The following BUD13 variants were observed in gnomAD, a reference collection of about 807,000 sequenced individuals.
BUD13 encodes the protein BUD13 spliceosome associated protein.
Under a neutral mutation model 62.5 loss-of-function variants are expected in BUD13, and 47 were observed. The ratio of observed to expected loss-of-function variants is 0.75; its 90% confidence interval spans 0.60 to 0.96. BUD13 has a LOEUF of 0.96. BUD13 is among the 40% of genes least tolerant of loss of function. BUD13 has a pLI of 0.00. For missense variants in BUD13, 821 were observed against 790.9 expected, an observed-to-expected ratio of 1.04 and a Z score of -0.46; for synonymous variants, 293 against 280.1, an observed-to-expected ratio of 1.05 and a Z score of -0.46.
In BUD13 at chr11:116,748,483, T is replaced by C. The variant is rs1940178129; in HGVS notation, c.1859A>G (p.Ter620=). The C allele has an allele frequency of 6.2e-7, 1 of 1,614,088 alleles. No homozygotes were observed. Among genetic ancestry groups the C allele is most frequent in the Admixed American group, 1.7e-5 (1 of 60,012 alleles). The change falls in exon 10 of 10, where the codon TAA becomes TGA. Residue 620 remains the stop codon, a stop_retained_variant. Transcript: ENST00000260210. ...GCCACCCCCACAGCCTCAGGAAAGT[T>C]ACATATCCTCAACACTCCATTTGTA... ...LAYKWSVEDM[*]
chr11:116,756,019 T>C (rs180322), intron 9 of BUD13, among the ~76,000 whole-genome samples: 71,755 of 151,694 alleles, frequency 0.47, 17,253 homozygotes, highest in African/African-American at 0.56. Flanking sequence ...ACCAGCCTGG[T>C]CAATGTGGCA....
In BUD13 at chr11:116,760,956, G is replaced by T; in HGVS notation, c.1037-4C>A. On this transcript the variant is annotated splice_region_variant and splice_polypyrimidine_tract_variant and intron_variant, in intron 4 of 9. Coordinates refer to ENST00000260210, the MANE Select transcript of BUD13 (RefSeq NM_032725.4). Reference sequence around the variant, plus strand: ...TCAGTTGCTTTCTGGCAGTCACCTGGATAGGAGCAAAGAATCTGTGTGACT... The same window carrying T: ...TCAGTTGCTTTCTGGCAGTCACCTGTATAGGAGCAAAGAATCTGTGTGACT... 1 of 1,613,518 alleles carries T rather than the reference G, an allele frequency of 6.2e-7. No homozygotes were observed. Among genetic ancestry groups the T allele is most frequent in the Non-Finnish European group, 8.5e-7 (1 of 1,179,562 alleles).
At chr11:116,752,310 A>G (rs180328) in intron 9 of BUD13, among the ~76,000 whole-genome samples, 29,851 of 152,048 alleles carry the variant, frequency 0.2, 3,120 homozygotes, top group Non-Finnish European at 0.22. Flanking sequence ...CAGATACTAT[A>G]TATCTGTTCC....
chr11:116,753,293 G>A (rs1383823477), intron 9 of BUD13, among the ~76,000 whole-genome samples: 1 of 152,162 alleles, frequency 6.6e-6, no homozygotes, highest in Non-Finnish European at 1.5e-5. Flanking sequence ...AACTACAAAA[G>A]AGATGAACCT....
chr11:116,770,351 T>A, intron 1 of BUD13, 129 bp from the exon 2 acceptor site: 3 of 676,784 alleles, frequency 4.4e-6, no homozygotes. Flanking sequence ...GTCTACAAGG[T>A]CAACTTCATC....
chr11:116,757,109 C>T (rs749366292), intron 9 of BUD13, 37 bp downstream of exon 9: 12 of 1,590,588 alleles, frequency 7.5e-6, no homozygotes, highest in African/African-American at 5.4e-5. Context: ...GGGAAGGTTA[C>T]AGTCAGGTAG....
intron 6 of BUD13, 72 bp from the exon 7 acceptor site, chr11:116,758,479 G>T: frequency 6.6e-7 from 1 of 1,525,450 alleles, no homozygotes; most frequent in South Asian, 1.2e-5. Flanking sequence ...CAAATCAACC[G>T]CTTGGGATTC....
Position 116,770,163 on chromosome 11 carries a change from T to G in BUD13, c.203A>C (p.Lys68Thr), listed in dbSNP as rs922716315. ...ATCTCCATCATCTTCCTCTTCCTCC[T>G]TTTCTAGTTTGGTTGTGGAGATAGC... ...WTAISTTKLEKEEEEDDGDLP... is the reference protein window; with the variant it reads ...WTAISTTKLETEEEEDDGDLP... The change falls in exon 2 of 10, where the codon AAG becomes ACG. Residue 68 changes from lysine to threonine, a missense_variant. Physicochemically the swap from Lys to Thr is moderately conservative, Grantham distance 78. Transcript: ENST00000260210. The G allele has an allele frequency of 6.8e-6, 11 of 1,613,386 alleles. No homozygotes were observed. The highest frequency in any genetic ancestry group is 9.3e-6 in the Non-Finnish European group (11 of 1,179,736).
Position 116,748,257 on chromosome 11 carries a change from G to A in BUD13, c.*225C>T, listed in dbSNP as rs1418807172. On this transcript the variant is annotated 3_prime_UTR_variant, in exon 10 of 10. Coordinates refer to ENST00000260210, the MANE Select transcript of BUD13 (RefSeq NM_032725.4). ...AAACCCTGGTCAATGAGAAATCAAT[G>A]CTTCCTCTGAAAGCCAGCAACAGCC... The A allele has an allele frequency of 2.1e-6, 1 of 482,332 alleles. No individual in the cohort carries two copies. Among genetic ancestry groups the A allele is most frequent in the Non-Finnish European group, 3.7e-6 (1 of 271,858 alleles). 29.9% of individuals were successfully genotyped at this position (482,332 alleles called of 1,614,324 possible).
chr11:116,772,879 T>C lies in BUD13; in HGVS notation c.86A>G (p.Glu29Gly). 1.3e-6 allele frequency: 2 copies of C among 1,592,124 alleles called. No individual in the cohort carries two copies. Among genetic ancestry groups the C allele is most frequent in the South Asian group, 2.3e-5 (2 of 88,588 alleles). Reference protein sequence around the residue: ...GADAGVDRGSESGRKRRKKRP... With the variant: ...GADAGVDRGSGSGRKRRKKRP... ...CTTTTTGCGACGCTTGCGACCGGACTCAGATCCCCGGTCGACGCCGGCATC... is the reference window on the plus strand; with the variant it reads ...CTTTTTGCGACGCTTGCGACCGGACCCAGATCCCCGGTCGACGCCGGCATC... Residue 29 changes from glutamate (E) to glycine (G), a missense_variant, in exon 1 of 10, where the codon GAG (glutamate) becomes GGG (glycine). Glu to Gly is a moderately conservative substitution (Grantham distance 98, BLOSUM62 -2). Coordinates refer to ENST00000260210, the MANE Select transcript of BUD13 (RefSeq NM_032725.4).
intron 5 of BUD13, 71 bp from the exon 6 acceptor site, chr11:116,759,250 T>C: frequency 1.9e-6 from 2 of 1,039,328 alleles, no homozygotes; most frequent in Non-Finnish European, 3.0e-6. Context: ...GGTACACAGT[T>C]AGTTGCATTT....
At chr11:116,756,824 C>T (rs1302771789) in intron 9 of BUD13, among the ~76,000 whole-genome samples, 1 of 152,070 alleles carries the variant, frequency 6.6e-6, no homozygotes, top group Non-Finnish European at 1.5e-5. Context: ...GTAGAAGGCT[C>T]CAGACTACAA....
chr11:116,762,879 T>C lies in BUD13; in HGVS notation c.710A>G (p.Asp237Gly), dbSNP rs200604848. 13 of 1,613,832 alleles carry C rather than the reference T, an allele frequency of 8.1e-6. No individual in the cohort carries two copies. In the East Asian group the frequency reaches 2.7e-4, roughly 33 times the overall value. The change falls in exon 4 of 10, where the codon GAT (aspartate) becomes GGT (glycine). Residue 237 changes from aspartate to glycine, a missense_variant. Asp to Gly is a moderately conservative substitution (Grantham distance 94). This residue lies in a region of BUD13 where 800 missense variants were observed against 739.2 expected (regional missense o/e 1.08). Coordinates refer to ENST00000260210, the MANE Select transcript of BUD13 (RefSeq NM_032725.4). ...ATGGACCCTTCTGGGGGAAGAGATA[T>C]CTGAGGAACCATGACGGGCTCGCCT... ...PPRRARHGSS[D>G]ISSPRRVHNN...
intron 5 of BUD13, 126 bp downstream of exon 5, chr11:116,760,609 T>G (rs1055036676): frequency 1.8e-6 from 2 of 1,109,720 alleles, no homozygotes; most frequent in African/African-American, 1.6e-5. Context: ...AAAGGTCCTT[T>G]TAACTAAGAT....
Position 116,762,534 on chromosome 11 carries a change from TG to T in BUD13, c.1036+18del. On this transcript the variant is annotated intron_variant, in intron 4 of 9. Coordinates refer to ENST00000260210, the MANE Select transcript of BUD13 (RefSeq NM_032725.4). Reference sequence around the variant, plus strand: ...CCCAGGGATACATACATCCCTCTCATGGACAGTCATATGCTCACCTTTGGAA... The same window carrying T: ...CCCAGGGATACATACATCCCTCTCATGACAGTCATATGCTCACCTTTGGAA... The T allele has an allele frequency of 1.3e-6, 2 of 1,560,102 alleles. No homozygotes were observed. Among genetic ancestry groups the T allele is most frequent in the Non-Finnish European group, 1.7e-6 (2 of 1,147,338 alleles).
intron 4 of BUD13, 114 bp from the exon 5 acceptor site, chr11:116,761,066 TATTA>T: frequency 2.3e-6 from 2 of 866,176 alleles, no homozygotes; most frequent in East Asian, 2.9e-5. Context: ...CTTACATTAT[TATTA>T]TTTTTTTTTT....
chr11:116,755,598 A>T (rs1357945670), intron 9 of BUD13, among the ~76,000 whole-genome samples: 2 of 152,180 alleles, frequency 1.3e-5, no homozygotes, highest in Admixed American at 6.5e-5. Flanking sequence ...CTAACTACCT[A>T]TGTGTGAGGC....
intron 9 of BUD13, among the ~76,000 whole-genome samples, chr11:116,753,472 A>G (rs149598058): frequency 6.6e-6 from 1 of 152,382 alleles, no homozygotes; most frequent in East Asian, 1.9e-4. Flanking sequence ...GAGTTCAGCT[A>G]TGTTAACTAC....
At chr11:116,769,387 T>C (rs1430290660) in intron 2 of BUD13, among the ~76,000 whole-genome samples, 1 of 152,214 alleles carries the variant, frequency 6.6e-6, no homozygotes, top group Non-Finnish European at 1.5e-5. Context: ...ATCTCTAAAA[T>C]ACAGCTATGT....
Sources: allele counts gnomAD v4.1 joint callset (sites outside exome capture counted in the v4.1 genomes callset), GRCh38; gene constraint gnomAD v4.1.1; regional missense constraint gnomAD v4.1.1; transcripts MANE v1.5; gene names NCBI Gene and HGNC (gene_info 2026-07-23, HGNC 2026-07-21).